Variants in TMEM220 observed in about 807,000 individuals in gnomAD.
The protein encoded by TMEM220 is transmembrane protein 220.
In TMEM220, 21 loss-of-function variants were observed where a neutral mutation model predicts 21.7. The ratio of observed to expected loss-of-function variants is 0.97; its 90% confidence interval spans 0.69 to 1.39. The LOEUF is 1.39. TMEM220 is among the 40% of genes most tolerant of loss of function. The pLI is 0.00. For synonymous variants in TMEM220, 80 were observed against 73.6 expected, an observed-to-expected ratio of 1.09 and a Z score of -0.45; for missense variants, 191 against 201.9, an observed-to-expected ratio of 0.95 and a Z score of 0.33.
chr17:10,726,521 T>C (rs1207468074), intron 2 of TMEM220, among the ~76,000 whole-genome samples: 6 of 152,230 alleles, frequency 3.9e-5, no homozygotes, highest in African/African-American at 1.4e-4. Flanking sequence ...GCTCTAACAC[T>C]GAGCACAGGG....
intron 4 of TMEM220, chr17:10,724,579 C>CAAA: frequency 7.8e-6 from 1 of 127,636 alleles, no homozygotes; most frequent in Admixed American, 7.7e-5. Flanking sequence ...GACTCCGTTT[C>CAAA]AAAAAAAAAA....
chr17:10,728,855 T>C (rs913899432), intron 2 of TMEM220, among the ~76,000 whole-genome samples, 176 bp downstream of exon 2: 2 of 152,182 alleles, frequency 1.3e-5, no homozygotes, highest in African/African-American at 4.8e-5. Flanking sequence ...ACACATTACA[T>C]TAGAACTCTG....
intron 2 of TMEM220, among the ~76,000 whole-genome samples, chr17:10,728,531 G>T (rs2075079334): frequency 1.3e-5 from 2 of 152,056 alleles, no homozygotes; most frequent in Non-Finnish European, 1.5e-5. Context: ...GGCTGATCTA[G>T]AACTCCTGAC....
rs200144019 is a variant in TMEM220 at position 10,725,064 on chromosome 17, C to T, written c.234G>A (p.Ala78=). The T allele has an allele frequency of 1.1e-5, 18 of 1,614,128 alleles. No individual in the cohort carries two copies. Among genetic ancestry groups the T allele is most frequent in the Admixed American group, 3.3e-5 (2 of 60,014 alleles). The change falls in exon 4 of 6, where the codon GCG becomes GCA. Residue 78 remains alanine (A), a synonymous_variant. Coordinates refer to ENST00000341871, the MANE Select transcript of TMEM220 (RefSeq NM_001004313.3). The part of the protein sequence containing the change: ...LFCTVWAVGL[A]SYLLHRTQQN... ...GTTGTGTACGATGCAAGAGGTAGGACGCCAAGCCAACAGCCCACACCGTAC... is the reference window on the plus strand; with the variant it reads ...GTTGTGTACGATGCAAGAGGTAGGATGCCAAGCCAACAGCCCACACCGTAC...
intron 5 of TMEM220, among the ~76,000 whole-genome samples, chr17:10,719,264 T>A (rs925563412): frequency 2.0e-5 from 3 of 152,156 alleles, no homozygotes; most frequent in Non-Finnish European, 4.4e-5. Context: ...ATTCTATCTA[T>A]CTATTTATTT....
rs1267196777 is a variant in TMEM220 at position 10,713,420 on chromosome 17, C to T, written c.*2033G>A. 6.6e-6 allele frequency: 1 copy of T among 151,906 alleles called. No individual in the cohort carries two copies. Among genetic ancestry groups the T allele is most frequent in the African/African-American group, 2.4e-5 (1 of 41,340 alleles). The allele number at this position is 151,906 out of a possible 1,614,324, so 9.4% of individuals were successfully genotyped here. On this transcript the variant is annotated 3_prime_UTR_variant, in exon 6 of 6. Transcript: ENST00000341871. ...AGATGCGAAAGAGACTATGAATAGT[C>T]ACATAATTTCGTAGTCTGATATGGG...
At position 10,729,811 on chromosome 17, in the gene TMEM220, G is replaced by GC. The variant is rs756404863; in HGVS notation, c.40dup (p.Ala14GlyfsTer14). 14 of 1,408,074 alleles carry GC rather than the reference G, an allele frequency of 9.9e-6. No homozygotes were observed. Among genetic ancestry groups the GC allele is most frequent in the Non-Finnish European group, 1.3e-5 (14 of 1,073,736 alleles). The allele number at this position is 1,408,074 out of a possible 1,614,324, so 87.2% of individuals were successfully genotyped here. On this transcript the variant is annotated frameshift_variant, in exon 1 of 6. Transcript: ENST00000341871. LOFTEE classifies it high-confidence loss of function. Reference sequence around the variant, plus strand: ...CAAGGCCGCCAGCGCGAAGAAGGCGGCCATGAGTCCGTTGCAGGCCCGCCA... The same window carrying GC: ...CAAGGCCGCCAGCGCGAAGAAGGCGGCCCATGAGTCCGTTGCAGGCCCGCCA...
chr17:10,716,270 G>A (rs1253928304), intron 5 of TMEM220: 38 of 711,424 alleles, frequency 5.3e-5, no homozygotes, highest in African/African-American at 2.8e-4. Flanking sequence ...CGGCCCTCTC[G>A]GTTGGGAGGA....
In TMEM220 at chr17:10,715,049, G is replaced by C. The variant is rs73974829; in HGVS notation, c.*404C>G. 0.011 allele frequency: 1,831 copies of C among 160,064 alleles called. 34 individuals carry two copies. The highest frequency in any genetic ancestry group is 0.041 in the African/African-American group (1,696 of 41,528). The allele number at this position is 160,064 out of a possible 1,614,324, so 9.9% of individuals were successfully genotyped here. A position where few individuals can be genotyped will look rare whatever the true frequency, so the allele number is the denominator to read the frequency against. On this transcript the variant is annotated 3_prime_UTR_variant, in exon 6 of 6. Coordinates refer to ENST00000341871, the MANE Select transcript of TMEM220 (RefSeq NM_001004313.3). ...TCTTTCCAAACACTTTATATCTTCAGAGTGTTCTTACATTATCTAGATTGA... is the reference window on the plus strand; with the variant it reads ...TCTTTCCAAACACTTTATATCTTCACAGTGTTCTTACATTATCTAGATTGA...
intron 5 of TMEM220, among the ~76,000 whole-genome samples, chr17:10,720,276 C>T (rs1350353721): frequency 6.6e-6 from 1 of 152,298 alleles, no homozygotes; most frequent in East Asian, 1.9e-4. Flanking sequence ...AACTGCAGCA[C>T]TATTTTTAAT....
downstream of TMEM220, chr17:10,711,137 A>G (rs770073148): frequency 6.2e-6 from 10 of 1,600,734 alleles, no homozygotes; most frequent in Middle Eastern, 1.7e-4. Flanking sequence ...AGAGCCTTCC[A>G]TTGTTAGTCT....
At chr17:10,718,204 A>G (rs1472353604) in intron 5 of TMEM220, among the ~76,000 whole-genome samples, 2 of 152,162 alleles carry the variant, frequency 1.3e-5, no homozygotes, top group Admixed American at 1.3e-4. Context: ...GTATTTTTTC[A>G]AGAAATTTGT....
chr17:10,716,483 G>C, intron 5 of TMEM220: 1 of 668,966 alleles, frequency 1.5e-6, no homozygotes, highest in Non-Finnish European at 2.8e-6. Context: ...TGTGCCCCAC[G>C]TAGTAGCGCA....
intron 5 of TMEM220, among the ~76,000 whole-genome samples, chr17:10,720,589 CT>C: frequency 6.6e-6 from 1 of 152,238 alleles, no homozygotes; most frequent in Admixed American, 6.5e-5. Context: ...AGCCGAATTT[CT>C]TTTAATATAT....
At chr17:10,724,103 G>A (rs2075022101) in intron 4 of TMEM220, among the ~76,000 whole-genome samples, 1 of 152,150 alleles carries the variant, frequency 6.6e-6, no homozygotes, top group African/African-American at 2.4e-5. Flanking sequence ...TAACTTACAG[G>A]TCTATGAATT....
chr17:10,715,537 A>C lies in TMEM220; in HGVS notation c.399T>G (p.Leu133=), dbSNP rs768256559. ...IQLAIAIVIT[L]FPFISWVYIY... ...TGTAGACCCATGAGATAAATGGGAAAAGTGTGATTACAATGGCAATAGCCA... is the reference window on the plus strand; with the variant it reads ...TGTAGACCCATGAGATAAATGGGAACAGTGTGATTACAATGGCAATAGCCA... The change falls in exon 6 of 6, where the codon CTT becomes CTG. Residue 133 remains leucine (L), a synonymous_variant. Coordinates refer to ENST00000341871, the MANE Select transcript of TMEM220 (RefSeq NM_001004313.3). 1.9e-6 allele frequency: 3 copies of C among 1,605,198 alleles called. No homozygotes were observed. Among genetic ancestry groups the C allele is most frequent in the Non-Finnish European group, 2.5e-6 (3 of 1,178,014 alleles).
At chr17:10,729,210 G>T in intron 1 of TMEM220, 150 bp from the exon 2 acceptor site, 1 of 805,692 alleles carries the variant, frequency 1.2e-6, no homozygotes, top group Non-Finnish European at 2.0e-6. Context: ...ATATAGTCCA[G>T]ATGAGGACGG....
Position 10,719,338 on chromosome 17 carries a change from G to A in TMEM220, c.348-3750C>T, listed in dbSNP as rs368758921. 2.6e-4 allele frequency among the ~76,000 whole-genome samples: 39 copies of A among 152,140 alleles called. No homozygotes were observed. The East Asian group carries it at 6.0e-3, about 23-fold the overall frequency. ...GTCTCCCAGGCTGGAGTGCAGTGGC[G>A]CGATCTCGGCTCACTGCAACCTCCA... On this transcript the variant is annotated intron_variant, in intron 5 of 5. Transcript: ENST00000341871.
intron 2 of TMEM220, among the ~76,000 whole-genome samples, chr17:10,728,521 G>A (rs928619293): frequency 1.2e-4 from 19 of 152,156 alleles, no homozygotes; most frequent in African/African-American, 3.6e-4. Context: ...ATGTTGCTCA[G>A]GCTGATCTAG....
Sources: allele counts gnomAD v4.1 joint callset (sites outside exome capture counted in the v4.1 genomes callset), GRCh38; gene constraint gnomAD v4.1.1; transcripts MANE v1.5; gene names NCBI Gene and HGNC (gene_info 2026-07-23, HGNC 2026-07-21).